LRRC40: variants seen among roughly 807,000 people sequenced by gnomAD.
LRRC40 encodes leucine rich repeat containing 40.
Under a neutral mutation model 72.8 loss-of-function variants are expected in LRRC40, and 76 were observed. The observed-to-expected ratio is 1.04, with a 90% CI of 0.87 to 1.26. The LOEUF is 1.26. LRRC40 is among the 50% of genes most tolerant of loss of function. The pLI, the probability that LRRC40 is intolerant of heterozygous loss-of-function variation, is 0.00. For missense variants in LRRC40, 684 were observed against 698.9 expected (o/e 0.98, Z 0.24); for synonymous variants, 243 against 254.2 (o/e 0.96, Z 0.42).
At chr1:70,161,186 G>A (rs1363178057) in intron 9 of LRRC40, among the ~76,000 whole-genome samples, 3 of 151,244 alleles carry the variant, frequency 2.0e-5, no homozygotes, top group African/African-American at 7.3e-5. Context: ...CCGAGTTCAC[G>A]CCATTCTCCT....
intron 3 of LRRC40, among the ~76,000 whole-genome samples, chr1:70,185,890 T>C (rs1158172035): frequency 2.0e-5 from 3 of 152,160 alleles, no homozygotes; most frequent in Non-Finnish European, 4.4e-5. Flanking sequence ...CCCAGGTTTA[T>C]CACAACTTAA....
chr1:70,148,137 C>CAAAAAA (rs35638808), intron 14 of LRRC40: 1 of 94,098 alleles, frequency 1.1e-5, no homozygotes, highest in Non-Finnish European at 2.2e-5. Context: ...CAATCAATTT[C>CAAAAAA]AAAAAAAAAA....
intron 9 of LRRC40, among the ~76,000 whole-genome samples, chr1:70,166,191 C>T (rs1471188979): frequency 6.6e-6 from 1 of 151,962 alleles, no homozygotes; most frequent in Non-Finnish European, 1.5e-5. Context: ...AGTATGTATA[C>T]CTGTACAAAT....
intron 12 of LRRC40, chr1:70,152,024 T>A (rs940504161): frequency 6.3e-6 from 1 of 158,940 alleles, no homozygotes; most frequent in Non-Finnish European, 1.4e-5. Context: ...TTTCTATATC[T>A]ACATTCTCTG....
At chr1:70,202,391 G>A (rs1668768000) in intron 1 of LRRC40, among the ~76,000 whole-genome samples, 1 of 152,066 alleles carries the variant, frequency 6.6e-6, no homozygotes, top group Non-Finnish European at 1.5e-5. Context: ...ATACATGGAT[G>A]AACCTTAAAT....
At chr1:70,199,304 C>T (rs138865144) in intron 1 of LRRC40, among the ~76,000 whole-genome samples, 2,800 of 151,736 alleles carry the variant, frequency 0.018, 36 homozygotes, top group South Asian at 0.063. Context: ...CTCTGGTTGG[C>T]TTCTTCACTT....
Position 70,175,823 on chromosome 1 carries a change from T to C in LRRC40, c.964A>G (p.Asn322Asp), listed in dbSNP as rs747302531. The C allele has an allele frequency of 2.6e-6, 4 of 1,559,276 alleles. No homozygotes were observed. In the Admixed American group the frequency reaches 8.3e-5, roughly 32 times the overall value. Reference protein sequence around the residue: ...RSLERLDLSNNDISSLPYSLG... With the variant: ...RSLERLDLSNDDISSLPYSLG... ...ATTTAAACTTACCTACTAATATCAT[T>C]GTTGCTTAGGTCAAGCCTTTCCAAG... The change falls in exon 7 of 15, where the codon AAT becomes GAT. Residue 322 changes from asparagine (N) to aspartate (D), a missense_variant. Transcript: ENST00000370952.
chr1:70,163,491 C>G (rs1667810881), intron 9 of LRRC40, among the ~76,000 whole-genome samples: 1 of 152,176 alleles, frequency 6.6e-6, no homozygotes, highest in Non-Finnish European at 1.5e-5. Flanking sequence ...GTTAAGCCAG[C>G]AACAGTGGTT....
chr1:70,168,093 T>TCCCTCTCCCCCAACCCTCCAGCCCCAAA (rs1667926893), intron 9 of LRRC40, among the ~76,000 whole-genome samples: 1 of 152,104 alleles, frequency 6.6e-6, no homozygotes, highest in Non-Finnish European at 1.5e-5. Flanking sequence ...AACACAGGGT[T>TCCCTCTCCCCCAACCCTCCAGCCCCAAA]CCCTCTCCCC....
intron 6 of LRRC40, among the ~76,000 whole-genome samples, chr1:70,177,482 G>A (rs551607742): frequency 1.3e-5 from 2 of 152,226 alleles, no homozygotes; most frequent in African/African-American, 4.8e-5. Context: ...CCAGTAAATT[G>A]CATGTCACAG....
intron 13 of LRRC40, among the ~76,000 whole-genome samples, chr1:70,149,428 G>C (rs1667408303): frequency 6.6e-6 from 1 of 152,170 alleles, no homozygotes; most frequent in Admixed American, 6.5e-5. Flanking sequence ...TGAAGTTCCA[G>C]TAAGACTAGA....
chr1:70,180,228 T>C (rs1465933514), intron 5 of LRRC40: 1 of 152,210 alleles, frequency 6.6e-6, no homozygotes, highest in Admixed American at 6.5e-5. Flanking sequence ...GATGGGAGTT[T>C]TGACCTGCTC....
chr1:70,165,237 C>T (rs1667856618), intron 9 of LRRC40, among the ~76,000 whole-genome samples: 1 of 152,096 alleles, frequency 6.6e-6, no homozygotes. Context: ...ATGTACTCTT[C>T]CTAGGAAAAG....
At chr1:70,155,876 G>A (rs1483025474) in intron 10 of LRRC40, 80 bp from the exon 11 acceptor site, 3 of 554,112 alleles carry the variant, frequency 5.4e-6, no homozygotes, top group Non-Finnish European at 9.1e-6. Context: ...ATTTTTAAAG[G>A]TGTTTAAAGA....
intron 4 of LRRC40, 135 bp from the exon 5 acceptor site, chr1:70,181,344 C>CTT: frequency 2.2e-6 from 1 of 458,480 alleles, no homozygotes; most frequent in Non-Finnish European, 3.8e-6. Flanking sequence ...AGTTGTGTAA[C>CTT]TCTCATTCAC....
intron 12 of LRRC40, 119 bp from the exon 13 acceptor site, chr1:70,151,324 C>A: frequency 1.6e-6 from 1 of 623,704 alleles, no homozygotes. Context: ...AATCCTTGAT[C>A]TGACTTTATA....
intron 13 of LRRC40, 82 bp downstream of exon 13, chr1:70,151,046 G>A (rs1228521777): frequency 6.7e-6 from 5 of 741,990 alleles, no homozygotes; most frequent in Non-Finnish European, 1.1e-5. Flanking sequence ...GGGCCTTTTT[G>A]TTTTTTTGGC....
intron 1 of LRRC40, among the ~76,000 whole-genome samples, chr1:70,193,456 A>T (rs920859959): frequency 2.0e-5 from 3 of 152,052 alleles, no homozygotes; most frequent in Non-Finnish European, 4.4e-5. Flanking sequence ...TATTAAAGAA[A>T]TTGAATTAGC....
In LRRC40 at chr1:70,160,147, T is replaced by C. The variant is rs186933218; in HGVS notation, c.1112-709A>G. On this transcript the variant is annotated intron_variant, in intron 9 of 14. Transcript: ENST00000370952. ...ATTTTTGCAAAAAAGACTTGAACGA[T>C]AGAGAAGTAAAATAAGACTATCACT... Among the ~76,000 whole-genome samples, 23 of 152,212 alleles carry C rather than the reference T, an allele frequency of 1.5e-4. No individual in the cohort carries two copies. In the East Asian group the frequency reaches 4.0e-3, roughly 27 times the overall value.
Sources: allele counts gnomAD v4.1 joint callset (sites outside exome capture counted in the v4.1 genomes callset), GRCh38; gene constraint gnomAD v4.1.1; transcripts MANE v1.5; gene names NCBI Gene and HGNC (gene_info 2026-07-23, HGNC 2026-07-21).